Variants in ZNF345 observed in about 807,000 individuals in gnomAD.
ZNF345 encodes the protein zinc finger protein 345, also known as zinc finger protein HZF10.
For synonymous variants in ZNF345, 166 were observed against 187.9 expected (o/e 0.88, Z 0.95); for missense variants, 527 against 589.9 (o/e 0.89, Z 1.10).
chr19:36,870,510 C>A (rs1479688160), intron 2 of ZNF345, among the ~76,000 whole-genome samples: 1 of 151,932 alleles, frequency 6.6e-6, no homozygotes. Context: ...TGGTTTGGTT[C>A]TTCTTGATAT....
chr19:36,892,864 G>T, exon 4 of ZNF345: 2 of 1,150,592 alleles, frequency 1.7e-6, no homozygotes, highest in Non-Finnish European at 2.2e-6. Context: ...TCTCCTCGTC[G>T]TACAGCTTGT....
intron 2 of ZNF345, among the ~76,000 whole-genome samples, chr19:36,865,907 C>G (rs970422700): frequency 2.6e-5 from 4 of 152,134 alleles, no homozygotes; most frequent in Non-Finnish European, 4.4e-5. Flanking sequence ...TTATCAAATT[C>G]TCTGATTGTT....
intron 2 of ZNF345, among the ~76,000 whole-genome samples, chr19:36,864,578 C>T (rs186431522): frequency 1.1e-4 from 16 of 151,984 alleles, no homozygotes; most frequent in East Asian, 1.9e-4. Context: ...GTAGAGAGTC[C>T]GAGGAAGACG....
At chr19:36,881,735 T>C (rs1264124962), downstream of ZNF345, among the ~76,000 whole-genome samples, 1 of 152,186 alleles carries the variant, frequency 6.6e-6, no homozygotes, top group Non-Finnish European at 1.5e-5. Flanking sequence ...AGATGCTACA[T>C]ATAAAATACA....
At position 36,877,221 on chromosome 19, in the gene ZNF345, T is replaced by A; in HGVS notation, c.391T>A (p.Ser131Thr). The change falls in exon 3 of 3, where the codon TCA (serine) becomes ACA (threonine). Residue 131 changes from serine to threonine, a missense_variant. Transcript: ENST00000420450. Reference protein sequence around the residue: ...KECGKAFGSGSNLTHHQRIHT... With the variant: ...KECGKAFGSGTNLTHHQRIHT... ...ATGTGGGAAGGCCTTTGGTAGTGGC[T>A]CAAACCTTACTCACCATCAGAGAAT... is the stretch of plus-strand genomic sequence containing the variant. 6.2e-7 allele frequency: 1 copy of A among 1,613,936 alleles called. No individual in the cohort carries two copies. Among genetic ancestry groups the A allele is most frequent in the African/African-American group, 1.3e-5 (1 of 75,004 alleles).
At chr19:36,856,473 T>G (rs1376005923) in intron 2 of ZNF345, among the ~76,000 whole-genome samples, 1 of 152,184 alleles carries the variant, frequency 6.6e-6, no homozygotes, top group Non-Finnish European at 1.5e-5. Flanking sequence ...TTCAGTTCTT[T>G]GATTTATGTC....
At chr19:36,853,505 C>G (rs920887618) in intron 2 of ZNF345, among the ~76,000 whole-genome samples, 4 of 152,168 alleles carry the variant, frequency 2.6e-5, no homozygotes, top group Non-Finnish European at 4.4e-5. Flanking sequence ...TTCCAAAGTG[C>G]TGGGATTACA....
intron 3 of ZNF345, among the ~76,000 whole-genome samples, chr19:36,885,156 A>T (rs1199723966): frequency 1.3e-5 from 2 of 152,024 alleles, no homozygotes; most frequent in African/African-American, 4.8e-5. Flanking sequence ...TTCTAATGGG[A>T]CTATACTAAT....
intron 3 of ZNF345, among the ~76,000 whole-genome samples, chr19:36,885,755 A>G (rs2072992653): frequency 1.3e-5 from 2 of 152,200 alleles, no homozygotes; most frequent in African/African-American, 4.8e-5. Flanking sequence ...AGGAAGAGAC[A>G]CATAGAATGA....
At chr19:36,867,623 T>C (rs1275305974) in intron 2 of ZNF345, among the ~76,000 whole-genome samples, 1 of 152,204 alleles carries the variant, frequency 6.6e-6, no homozygotes, top group East Asian at 1.9e-4. Context: ...AAATTCTGTT[T>C]TTTTGAAAGA....
intron 2 of ZNF345, among the ~76,000 whole-genome samples, chr19:36,859,873 T>A (rs1202063652): frequency 6.8e-6 from 1 of 147,150 alleles, no homozygotes; most frequent in East Asian, 2.0e-4. Flanking sequence ...TCCCTCTCTC[T>A]CTCTGCACAC....
intron 2 of ZNF345, among the ~76,000 whole-genome samples, chr19:36,865,191 C>T (rs998979193): frequency 3.3e-5 from 5 of 152,156 alleles, no homozygotes; most frequent in African/African-American, 2.4e-5. Flanking sequence ...CAGAAAGGAA[C>T]GCCCCTTCCT....
rs2072935845 is a variant in ZNF345, at chr19:36,878,367, A to G, written c.*70A>G. ...ATTCATAGTGGTGAAAATCTCTACA[A>G]ATAGAACTAAGGTACAAATGCCTTA... On this transcript the variant is annotated 3_prime_UTR_variant, in exon 3 of 3. Coordinates refer to ENST00000420450, the MANE Select transcript of ZNF345 (RefSeq NM_001242472.2). 7.0e-6 allele frequency: 10 copies of G among 1,435,174 alleles called. No homozygotes were observed. The highest frequency in any genetic ancestry group is 7.0e-5 in the Admixed American group (3 of 43,104). 88.9% of individuals were successfully genotyped at this position (1,435,174 alleles called of 1,614,324 possible). A position where few individuals can be genotyped will look rare whatever the true frequency, so the allele number is the denominator to read the frequency against.
rs375106816 is a variant in ZNF345, at chr19:36,876,954, C to T, written c.124C>T (p.Pro42Ser). ...ACATTTCAGTGAAATGATATTTACT[C>T]CTGAAGACATGCCCACTTTCAGTAT... is the stretch of plus-strand genomic sequence containing the variant. ...EGHFSEMIFT[P>S]EDMPTFSIQH... Residue 42 changes from proline (P) to serine (S), a missense_variant, in exon 3 of 3, where the codon CCT becomes TCT. Physicochemically the swap from Pro to Ser is moderately conservative, Grantham distance 74. Coordinates refer to ENST00000420450, the MANE Select transcript of ZNF345 (RefSeq NM_001242472.2). 5.0e-6 allele frequency: 8 copies of T among 1,613,990 alleles called. No individual in the cohort carries two copies. In the South Asian group the frequency reaches 5.5e-5, roughly 11 times the overall value.
chr19:36,855,441 C>T (rs1036226549), intron 2 of ZNF345, among the ~76,000 whole-genome samples: 2 of 145,036 alleles, frequency 1.4e-5, no homozygotes, highest in Non-Finnish European at 3.0e-5. Flanking sequence ...AGCCACCGAG[C>T]CTGGCCTTTT....
At chr19:36,874,492 T>TAAA (rs71171474) in intron 2 of ZNF345, among the ~76,000 whole-genome samples, 1 of 91,334 alleles carries the variant, frequency 1.1e-5, no homozygotes, top group Non-Finnish European at 2.0e-5. Flanking sequence ...GAAACTCCAC[T>TAAA]AAAAAAAAAA....
chr19:36,861,859 C>CT (rs768109029), intron 2 of ZNF345, among the ~76,000 whole-genome samples: 1,492 of 131,712 alleles, frequency 0.011, 17 homozygotes, highest in Middle Eastern at 0.042. Flanking sequence ...CATGCCCAGC[C>CT]TTTTTTTTTT....
At chr19:36,852,868 G>GTTTTTTTTTTTTTT in intron 2 of ZNF345, among the ~76,000 whole-genome samples, 1 of 145,784 alleles carries the variant, frequency 6.9e-6, no homozygotes, top group South Asian at 2.2e-4. Context: ...CCCCTTTTTT[G>GTTTTTTTTTTTTTT]TTTTTTTTGT....
intron 2 of ZNF345, among the ~76,000 whole-genome samples, chr19:36,853,055 G>A (rs1436172677): frequency 6.6e-6 from 1 of 151,638 alleles, no homozygotes; most frequent in Non-Finnish European, 1.5e-5. Context: ...AGTTGTATGT[G>A]TGATAAGTAT....
Sources: allele counts gnomAD v4.1 joint callset (sites outside exome capture counted in the v4.1 genomes callset), GRCh38; gene constraint gnomAD v4.1.1; transcripts MANE v1.5; gene names NCBI Gene and HGNC (gene_info 2026-07-23, HGNC 2026-07-21).